LOXL4: variants seen among roughly 807,000 people sequenced by gnomAD.
LOXL4 encodes lysyl oxidase like 4, also known as lysyl oxidase homolog 4.
In LOXL4, 72 loss-of-function variants were observed where a neutral mutation model predicts 89.1. The observed-to-expected ratio is 0.81, with a 90% CI of 0.67 to 0.98. The LOEUF (loss-of-function observed/expected upper bound fraction) is 0.98. LOXL4 is among the 50% of genes least tolerant of loss of function. The pLI is 0.00. For missense variants in LOXL4, 984 were observed against 1,017.5 expected (o/e 0.97, Z 0.45); for synonymous variants, 355 against 392.1 (o/e 0.91, Z 1.12).
In LOXL4 at chr10:98,261,241, C is replaced by T. The variant is rs1044729931; in HGVS notation, c.457-114G>A. 50 of 1,101,636 alleles carry T rather than the reference C, an allele frequency of 4.5e-5. No homozygotes were observed. In the Admixed American group the frequency reaches 9.9e-4, roughly 22 times the overall value. 68.2% of individuals were successfully genotyped at this position (1,101,636 alleles called of 1,614,324 possible). On this transcript the variant is annotated intron_variant, in intron 3 of 14. Coordinates refer to ENST00000260702, the MANE Select transcript of LOXL4 (RefSeq NM_032211.7). ...TTGGAGCTTTTCGAGACCATCCCAC[C>T]CAGCCCGGTCATTGAACAGGCCAGG...
At position 98,256,872 on chromosome 10, in the gene LOXL4, A is replaced by G. The variant is rs1564758739; in HGVS notation, c.1336T>C (p.Trp446Arg). Reference protein sequence around the residue: ...VQVEVNGVPRWGSVCSENWGL... With the variant: ...VQVEVNGVPRRGSVCSENWGL... Reference sequence around the variant, plus strand: ...CAGTTTTCACTGCACACGCTCCCCCAGCGTGGGACCCCGTTCACCTCCACC... The same window carrying G: ...CAGTTTTCACTGCACACGCTCCCCCGGCGTGGGACCCCGTTCACCTCCACC... Residue 446 changes from tryptophan (W) to arginine (R), a missense_variant, in exon 9 of 15, where the codon TGG becomes CGG. Trp to Arg is a moderately radical substitution (Grantham distance 101). Transcript: ENST00000260702. 1.9e-6 allele frequency: 3 copies of G among 1,614,150 alleles called. No individual in the cohort carries two copies. The highest frequency in any genetic ancestry group is 2.5e-6 in the Non-Finnish European group (3 of 1,179,982).
At chr10:98,264,145 T>C (rs1858622638) in intron 1 of LOXL4, among the ~76,000 whole-genome samples, 1 of 151,412 alleles carries the variant, frequency 6.6e-6, no homozygotes, top group African/African-American at 2.4e-5. Flanking sequence ...TTCATGTAGA[T>C]TCAATACACA....
chr10:98,259,563 A>T (rs1858481374), intron 4 of LOXL4, 134 bp from the exon 5 acceptor site: 1 of 809,388 alleles, frequency 1.2e-6, no homozygotes, highest in South Asian at 1.5e-5. Flanking sequence ...ATCTGATTTC[A>T]ATGCTGAGCT....
At chr10:98,264,948 G>A (rs533015072) in intron 1 of LOXL4, among the ~76,000 whole-genome samples, 1 of 152,354 alleles carries the variant, frequency 6.6e-6, no homozygotes, top group East Asian at 1.9e-4. Flanking sequence ...TCCATGGATG[G>A]CATCTGCCCT....
chr10:98,266,595 AG>A (rs1858693871), intron 1 of LOXL4, among the ~76,000 whole-genome samples: 1 of 152,162 alleles, frequency 6.6e-6, no homozygotes, highest in Admixed American at 6.5e-5. Flanking sequence ...CGCTGCTGGA[AG>A]GTGGGGGGAC....
At position 98,251,545 on chromosome 10, in the gene LOXL4, G is replaced by T. The variant is rs568509594; in HGVS notation, c.2088+21C>A. 2.4e-5 allele frequency: 39 copies of T among 1,612,816 alleles called. No homozygotes were observed. In the South Asian group the frequency reaches 3.5e-4, roughly 15 times the overall value. ...ATCTGGAGGAAATCAGGCTCTGTGG[G>T]GAATCCCCCAGCCGCCTTACCTGGA... On this transcript the variant is annotated intron_variant, in intron 13 of 14. Coordinates refer to ENST00000260702, the MANE Select transcript of LOXL4 (RefSeq NM_032211.7).
chr10:98,251,264 T>C (rs1269496475), intron 13 of LOXL4, 88 bp from the exon 14 acceptor site: 5 of 1,028,426 alleles, frequency 4.9e-6, no homozygotes, highest in Non-Finnish European at 7.4e-6. Flanking sequence ...CATGTGTTTC[T>C]ATTTGCTTCA....
In LOXL4 at chr10:98,255,661, C is replaced by CCAGCTCTGTGCCTGAG; in HGVS notation, c.1491_1506dup (p.Ala503LeufsTer98). 1 of 1,613,876 alleles carries CCAGCTCTGTGCCTGAG rather than the reference C, an allele frequency of 6.2e-7. No individual in the cohort carries two copies. The highest frequency in any genetic ancestry group is 8.5e-7 in the Non-Finnish European group (1 of 1,179,816). Reference sequence around the variant, plus strand: ...CCGTGCCTCTGGCACTGCTGCAGGGCCAGCTCTGTGCCTGAGCAGCGCACC... The same window carrying CCAGCTCTGTGCCTGAG: ...CCGTGCCTCTGGCACTGCTGCAGGGCCAGCTCTGTGCCTGAGCAGCTCTGTGCCTGAGCAGCGCACC... On this transcript the variant is annotated frameshift_variant, in exon 10 of 15. Transcript: ENST00000260702. LOFTEE classifies it high-confidence loss of function.
In LOXL4 at chr10:98,262,855, G is replaced by A. The variant is rs896694866; in HGVS notation, c.165C>T (p.Gly55=). ...RLEVLHQGQW[G]TVCDDNFAIQ... ...TAGCAAAGTTGTCATCACACACGGT[G>A]CCCCACTGGCCCTGGTGCAGCACCT... The change falls in exon 2 of 15, where the codon GGC becomes GGT. Residue 55 remains glycine (G), a synonymous_variant. Transcript: ENST00000260702. The A allele has an allele frequency of 1.3e-5, 21 of 1,613,768 alleles. No homozygotes were observed. The highest frequency in any genetic ancestry group is 1.8e-5 in the Non-Finnish European group (21 of 1,180,040).
At chr10:98,256,036 T>C in intron 9 of LOXL4, 1 of 303,068 alleles carries the variant, frequency 3.3e-6, no homozygotes, top group Non-Finnish European at 6.1e-6. Flanking sequence ...TCCCCGCCCC[T>C]CTCCCTGGGG....
chr10:98,263,403 G>A (rs1858601137), intron 1 of LOXL4, among the ~76,000 whole-genome samples: 1 of 152,194 alleles, frequency 6.6e-6, no homozygotes, highest in South Asian at 2.1e-4. Flanking sequence ...GCATTGGTGA[G>A]TACACAATAA....
At chr10:98,257,835 G>A in intron 7 of LOXL4, 31 bp from the exon 8 acceptor site, 1 of 1,598,566 alleles carries the variant, frequency 6.3e-7, no homozygotes, top group Admixed American at 1.7e-5. Flanking sequence ...TGTGTGCGAG[G>A]CTCCATCTCC....
intron 10 of LOXL4, among the ~76,000 whole-genome samples, chr10:98,254,514 T>C (rs1238330942): frequency 2.6e-5 from 4 of 151,990 alleles, no homozygotes; most frequent in Non-Finnish European, 5.9e-5. Flanking sequence ...CTGACAAACC[T>C]AGAGTTTCTT....
rs1858583908 is a variant in LOXL4 at position 98,262,823 on chromosome 10, T to C, written c.197A>G (p.Glu66Gly). 6.2e-7 allele frequency: 1 copy of C among 1,613,598 alleles called. No individual in the cohort carries two copies. The highest frequency in any genetic ancestry group is 1.7e-5 in the Admixed American group (1 of 60,000). ...TVCDDNFAIQ[E>G]ATVACRQLGF... The stretch of plus-strand genomic sequence containing the variant: ...CAGCTGGCGGCAAGCCACTGTGGCC[T>C]CCTGGATAGCAAAGTTGTCATCACA... Residue 66 changes from glutamate (E) to glycine (G), a missense_variant, in exon 2 of 15, where the codon GAG becomes GGG. Transcript: ENST00000260702.
At chr10:98,256,600 T>C in intron 9 of LOXL4, 180 bp downstream of exon 9, 2 of 658,916 alleles carry the variant, frequency 3.0e-6, no homozygotes, top group Non-Finnish European at 2.6e-6. Context: ...ACGATTTCAT[T>C]AGGACTATGT....
rs942933239 is a variant in LOXL4, at chr10:98,258,021, G to A, written c.1065C>T (p.Gly355=). The A allele has an allele frequency of 1.2e-6, 2 of 1,613,814 alleles. No individual in the cohort carries two copies. The highest frequency in any genetic ancestry group is 2.7e-5 in the African/African-American group (2 of 74,952). Residue 355 remains glycine (G), a synonymous_variant, in exon 7 of 15, where the codon GGC becomes GGT. Transcript: ENST00000260702. ...ASVVCRQLGF[G]SAREALFGAR... is the part of the protein sequence containing the mutation. The stretch of plus-strand genomic sequence containing the variant: ...CCCCAAAGAGGGCCTCCCGAGCAGA[G>A]CCAAAGCCCAGCTGACGACACACGA...
chr10:98,265,902 C>T (rs1858672505), intron 1 of LOXL4, among the ~76,000 whole-genome samples: 2 of 152,284 alleles, frequency 1.3e-5, no homozygotes, highest in African/African-American at 4.8e-5. Flanking sequence ...CTCCCCTCTC[C>T]ACTCCCTGAG....
chr10:98,251,619 C>CA lies in LOXL4; in HGVS notation c.2034dup (p.Asp679Ter), dbSNP rs1564755217. 6 of 1,614,276 alleles carry CA rather than the reference C, an allele frequency of 3.7e-6. No individual in the cohort carries two copies. The highest frequency in any genetic ancestry group is 5.1e-6 in the Non-Finnish European group (6 of 1,180,058). On this transcript the variant is annotated frameshift_variant, in exon 13 of 15. Transcript: ENST00000260702. LOFTEE classifies it high-confidence loss of function. ...TCTGTGATATCCACCCACTGGCAAT[C>CA]AATGTCATGCCGGTAGGTGTCCCAG...
At chr10:98,257,937 G>T in intron 7 of LOXL4, 44 bp downstream of exon 7, 1 of 1,603,064 alleles carries the variant, frequency 6.2e-7, no homozygotes, top group Non-Finnish European at 8.5e-7. Context: ...ATGGACCAGT[G>T]GCATATCCAG....
Sources: gnomAD v4.1 joint callset for allele counts (sites outside exome capture counted in the v4.1 genomes callset) on GRCh38, gnomAD v4.1.1 for gene constraint, MANE v1.5 for transcripts, NCBI Gene and HGNC (gene_info 2026-07-23, HGNC 2026-07-21) for gene names.